Variants in ZIC4 observed in about 807,000 individuals in gnomAD.
The protein encoded by ZIC4 is Zic family zinc finger 4.
A neutral mutation model predicts 28.8 loss-of-function variants in ZIC4; 15 were observed. The observed-to-expected ratio is 0.52, with a 90% CI of 0.35 to 0.80. The LOEUF is 0.80. Ranked by LOEUF, ZIC4 falls within the 30% of genes least tolerant of loss-of-function variation. The pLI is 0.01. For missense variants in ZIC4, 512 were observed against 467.1 expected, an observed-to-expected ratio of 1.10 and a Z score of -0.89; for synonymous variants, 220 against 198.1, an observed-to-expected ratio of 1.11 and a Z score of -0.93.
Position 147,403,794 on chromosome 3 carries a change from A to G in ZIC4, c.-15-982T>C, listed in dbSNP as rs187474183. 3.1e-4 allele frequency: 204 copies of G among 662,342 alleles called. No individual in the cohort carries two copies. In the African/African-American group the frequency reaches 3.5e-3, roughly 12 times the overall value. The allele number at this position is 662,342 out of a possible 1,614,324, so 41.0% of individuals were successfully genotyped here. A position where few individuals can be genotyped will look rare whatever the true frequency, so the allele number is the denominator to read the frequency against. On this transcript the variant is annotated intron_variant, in intron 1 of 4. Coordinates refer to ENST00000383075, the MANE Select transcript of ZIC4 (RefSeq NM_032153.6). Reference sequence around the variant, plus strand: ...CTTGTTGAACCACAGGCCAAATCCAAGTGGGACTCTGTTATCTTAAACGGT... The same window carrying G: ...CTTGTTGAACCACAGGCCAAATCCAGGTGGGACTCTGTTATCTTAAACGGT...
At chr3:147,394,789 G>A (rs1173136645) in intron 3 of ZIC4, among the ~76,000 whole-genome samples, 3 of 152,216 alleles carry the variant, frequency 2.0e-5, no homozygotes, top group Non-Finnish European at 2.9e-5. Context: ...GACCTTCCCC[G>A]GGAAGGGAGA....
Position 147,402,783 on chromosome 3 carries a change from T to C in ZIC4, c.15A>G (p.Thr5=), listed in dbSNP as rs776620376. The change falls in exon 2 of 5, where the codon ACA becomes ACG. Residue 5 remains threonine, a synonymous_variant. Coordinates refer to ENST00000383075, the MANE Select transcript of ZIC4 (RefSeq NM_032153.6). Reference sequence around the variant, plus strand: ...GTAATCGTTTCCTCATCACCAAGGATGTCTTGTATCTCATTTTCTGACTTT... The same window carrying C: ...GTAATCGTTTCCTCATCACCAAGGACGTCTTGTATCTCATTTTCTGACTTT... MRYK[T]SLVMRKRLRL... is the part of the protein sequence containing the mutation. The C allele has an allele frequency of 9.9e-6, 16 of 1,613,864 alleles. No individual in the cohort carries two copies. Among genetic ancestry groups the C allele is most frequent in the African/African-American group, 1.3e-5 (1 of 74,914 alleles).
chr3:147,395,448 G>A (rs981459909), intron 3 of ZIC4, among the ~76,000 whole-genome samples: 2 of 152,202 alleles, frequency 1.3e-5, no homozygotes, highest in South Asian at 4.1e-4. Flanking sequence ...CAGGTTATCA[G>A]GACTACAGGT....
Position 147,396,374 on chromosome 3 carries a change from T to G in ZIC4, c.166A>C (p.Ser56Arg). Residue 56 changes from serine to arginine, a missense_variant, in exon 3 of 5, where the codon AGC becomes CGC. Transcript: ENST00000383075. The surrounding 1 kb of genome is among the most constrained non-coding windows in gnomAD (Gnocchi z 4.2). ...CGCAGGAGTCCATTCAAAGGACGGCTGGGGGAGGCCTGGGGAGGCTCCTCG... is the reference window on the plus strand; with the variant it reads ...CGCAGGAGTCCATTCAAAGGACGGCGGGGGGAGGCCTGGGGAGGCTCCTCG... ...LHEEPPQASPSRPLNGLLRLG... is the reference protein window; with the variant it reads ...LHEEPPQASPRRPLNGLLRLG... 6.5e-7 allele frequency: 1 copy of G among 1,543,244 alleles called. No individual in the cohort carries two copies. The highest frequency in any genetic ancestry group is 8.7e-7 in the Non-Finnish European group (1 of 1,148,994).
chr3:147,396,618 C>T lies in ZIC4; in HGVS notation c.71-149G>A, dbSNP rs1283257595. On this transcript the variant is annotated intron_variant, in intron 2 of 4. Coordinates refer to ENST00000383075, the MANE Select transcript of ZIC4 (RefSeq NM_032153.6). The surrounding 1 kb of genome is among the most constrained non-coding windows in gnomAD (Gnocchi z 4.2). ...GAGCCAGACAGCGCCAGCAGTGAAC[C>T]CGGTGGACAGAGCAAGGCCAAACAC... is the stretch of plus-strand genomic sequence containing the variant. 1.9e-6 allele frequency: 2 copies of T among 1,071,140 alleles called. No individual in the cohort carries two copies. Among genetic ancestry groups the T allele is most frequent in the African/African-American group, 1.6e-5 (1 of 62,254 alleles). 66.4% of individuals were successfully genotyped at this position (1,071,140 alleles called of 1,614,324 possible).
At position 147,396,434 on chromosome 3, in the gene ZIC4, C is replaced by A. The variant is rs375860038; in HGVS notation, c.106G>T (p.Ala36Ser). Residue 36 changes from alanine (A) to serine (S), a missense_variant, in exon 3 of 5, where the codon GCC becomes TCC. Coordinates refer to ENST00000383075, the MANE Select transcript of ZIC4 (RefSeq NM_032153.6). This position sits in a 1 kb window ranked among gnomAD's most constrained non-coding sequence, Gnocchi z 4.2. ...SSGHHGPQLTAASSPSVFPGL... is the reference protein window; with the variant it reads ...SSGHHGPQLTSASSPSVFPGL... Reference sequence around the variant, plus strand: ...GGGAACACCGAGGGGCTGGAGGCGGCGGTGAGCTGGGGGCCATGGTGTCCA... The same window carrying A: ...GGGAACACCGAGGGGCTGGAGGCGGAGGTGAGCTGGGGGCCATGGTGTCCA... 22 of 1,520,534 alleles carry A rather than the reference C, an allele frequency of 1.4e-5. No individual in the cohort carries two copies. The highest frequency in any genetic ancestry group is 1.9e-5 in the Non-Finnish European group (22 of 1,138,214). The allele number at this position is 1,520,534 out of a possible 1,614,324, so 94.2% of individuals were successfully genotyped here.
Position 147,390,979 on chromosome 3 carries a change from A to T in ZIC4, c.956T>A (p.Val319Glu). 2 of 1,612,936 alleles carry T rather than the reference A, an allele frequency of 1.2e-6. No individual in the cohort carries two copies. Among genetic ancestry groups the T allele is most frequent in the Non-Finnish European group, 1.7e-6 (2 of 1,179,692 alleles). The change falls in exon 4 of 5, where the codon GTG becomes GAG. Residue 319 changes from valine to glutamate, a missense_variant. Physicochemically the swap from Val to Glu is moderately radical, Grantham distance 121. Around this residue, in one of 3 missense-constraint regions of ZIC4, gnomAD observed 144 missense variants for 116.8 expected, o/e 1.23. Transcript: ENST00000383075. ...PSSDCGHKSQ[V>E]ASSAAVAART... ...CGCCGCCACCGCCGCCGAGGAGGCCACCTGGGACTTGTGGCCGCAGTCCGA... is the reference window on the plus strand; with the variant it reads ...CGCCGCCACCGCCGCCGAGGAGGCCTCCTGGGACTTGTGGCCGCAGTCCGA...
chr3:147,403,782 A>G, intron 1 of ZIC4: 1 of 588,244 alleles, frequency 1.7e-6, no homozygotes, highest in Non-Finnish European at 2.8e-6. Context: ...GTTGAACCAC[A>G]GGCCAAATCC....
At chr3:147,391,899 G>T (rs1222705596) in intron 3 of ZIC4, 3 of 913,444 alleles carry the variant, frequency 3.3e-6, no homozygotes, top group Non-Finnish European at 3.9e-6. Flanking sequence ...ATTTTTACAG[G>T]AATGGAGCCC....
intron 3 of ZIC4, among the ~76,000 whole-genome samples, chr3:147,394,646 C>A (rs2087000346): frequency 6.6e-6 from 1 of 152,012 alleles, no homozygotes; most frequent in South Asian, 2.1e-4. Flanking sequence ...GGGGTGAGAT[C>A]CATGCGACAT....
chr3:147,398,884 A>C (rs1238668397), intron 2 of ZIC4, among the ~76,000 whole-genome samples: 1 of 151,988 alleles, frequency 6.6e-6, no homozygotes, highest in Non-Finnish European at 1.5e-5. Context: ...GGCCTTAAAA[A>C]ATTTTTTTTT....
At chr3:147,405,252 C>A (rs2087249515) in intron 1 of ZIC4, 15 of 914,672 alleles carry the variant, frequency 1.6e-5, no homozygotes, top group African/African-American at 3.4e-5. Flanking sequence ...GGCATTTAGC[C>A]CTCCCTTTGA....
intron 2 of ZIC4, among the ~76,000 whole-genome samples, chr3:147,399,290 C>A (rs1341176362): frequency 6.6e-6 from 1 of 152,172 alleles, no homozygotes; most frequent in Non-Finnish European, 1.5e-5. Flanking sequence ...TTCATCCAAG[C>A]AGTGGCATGG....
In ZIC4 at chr3:147,390,935, C is replaced by T. The variant is rs372909087; in HGVS notation, c.1000G>A (p.Glu334Lys). 3 of 1,608,074 alleles carry T rather than the reference C, an allele frequency of 1.9e-6. No homozygotes were observed. The highest frequency in any genetic ancestry group is 1.1e-5 in the South Asian group (1 of 90,418). The change falls in exon 4 of 5, where the codon GAA becomes AAA. Residue 334 changes from glutamate to lysine, a missense_variant. By Grantham distance (56) the Glu-to-Lys change is moderately conservative. Coordinates refer to ENST00000383075, the MANE Select transcript of ZIC4 (RefSeq NM_032153.6). ...AVAARTADLS[E>K] ...CCCAAGCCCTGACACACGTACCATT[C>T]GCTCAAGTCGGCGGTACGCGCCGCC...
chr3:147,404,375 CT>C, intron 1 of ZIC4: 1 of 1,040,106 alleles, frequency 9.6e-7, no homozygotes. Context: ...CAACAGGGAC[CT>C]TAGGAGGCTC....
At chr3:147,401,384 A>G (rs1440959118) in intron 2 of ZIC4, among the ~76,000 whole-genome samples, 2 of 152,202 alleles carry the variant, frequency 1.3e-5, no homozygotes, top group Non-Finnish European at 2.9e-5. Flanking sequence ...TTAAATGATG[A>G]TTGTTTATTG....
intron 4 of ZIC4, 58 bp downstream of exon 4, chr3:147,390,873 G>A: frequency 4.5e-6 from 7 of 1,542,430 alleles, no homozygotes; most frequent in Non-Finnish European, 6.1e-6. Flanking sequence ...GTGGTAGCTC[G>A]GGGCTGAGGA....
chr3:147,394,769 C>T (rs1278116619), intron 3 of ZIC4, among the ~76,000 whole-genome samples: 1 of 152,182 alleles, frequency 6.6e-6, no homozygotes, highest in Non-Finnish European at 1.5e-5. Context: ...GTGCCAGTGT[C>T]CGGGCCATGG....
At chr3:147,402,460 T>G (rs2087185792) in intron 2 of ZIC4, among the ~76,000 whole-genome samples, 1 of 152,110 alleles carries the variant, frequency 6.6e-6, no homozygotes. Flanking sequence ...AATGAGAGAA[T>G]CGTCAAATAT....
Sources: gnomAD v4.1 joint callset for allele counts (sites outside exome capture counted in the v4.1 genomes callset) on GRCh38, gnomAD v4.1.1 for gene constraint, gnomAD v4.1.1 regional missense constraint, Gnocchi (gnomAD v3.1) non-coding constraint, MANE v1.5 for transcripts, NCBI Gene and HGNC (gene_info 2026-07-23, HGNC 2026-07-21) for gene names.